Variants in DOCK7 observed in about 807,000 individuals in gnomAD.
DOCK7 encodes dedicator of cytokinesis protein 7.
A neutral mutation model predicts 271.0 loss-of-function variants in DOCK7; 138 were observed. The observed-to-expected ratio is 0.51, with a 90% CI of 0.44 to 0.59. The LOEUF (loss-of-function observed/expected upper bound fraction) is 0.59. Ranked by LOEUF, DOCK7 falls within the 20% of genes least tolerant of loss-of-function variation. The pLI is 0.00. For synonymous variants in DOCK7, 823 were observed against 876.1 expected, an observed-to-expected ratio of 0.94 and a Z score of 1.07; for missense variants, 2,066 against 2,592.4, an observed-to-expected ratio of 0.80 and a Z score of 4.41.
At chr1:62,655,448 G>A (rs1479915157) in intron 2 of DOCK7, among the ~76,000 whole-genome samples, 8 of 141,580 alleles carry the variant, frequency 5.7e-5, no homozygotes, top group African/African-American at 8.0e-5. Flanking sequence ...TTTTTGAGAC[G>A]GGCTCTTCCT....
chr1:62,454,842 GT>G lies in DOCK7; in HGVS notation c.*571del, dbSNP rs1645304348. On this transcript the variant is annotated 3_prime_UTR_variant, in exon 50 of 50. Coordinates refer to ENST00000635253, the MANE Select transcript of DOCK7 (RefSeq NM_001367561.1). ...TAAAGTTCTGCAATTCTAAATTCCT[GT>G]TTTGGGTATGTAAATGGAAAATAAC... 1 of 204,686 alleles carries G rather than the reference GT, an allele frequency of 4.9e-6. No individual in the cohort carries two copies. The highest frequency in any genetic ancestry group is 9.6e-6 in the Non-Finnish European group (1 of 103,780). 12.7% of individuals were successfully genotyped at this position (204,686 alleles called of 1,614,324 possible). A position where few individuals can be genotyped will look rare whatever the true frequency, so the allele number is the denominator to read the frequency against.
At chr1:62,507,141 A>G (rs981673838) in intron 35 of DOCK7, among the ~76,000 whole-genome samples, 24 of 151,858 alleles carry the variant, frequency 1.6e-4, no homozygotes, top group African/African-American at 5.8e-4. Context: ...TTCTCACAAC[A>G]ATGTACAGAA....
chr1:62,503,350 C>T (rs1646841011), intron 37 of DOCK7, among the ~76,000 whole-genome samples: 1 of 151,478 alleles, frequency 6.6e-6, no homozygotes, highest in African/African-American at 2.4e-5. Context: ...TATTTAGACA[C>T]ACAAATACAC....
At chr1:62,531,860 C>T (rs1053693774) in intron 29 of DOCK7, among the ~76,000 whole-genome samples, 2 of 152,116 alleles carry the variant, frequency 1.3e-5, no homozygotes, top group African/African-American at 4.8e-5. Flanking sequence ...CACTTTGTGC[C>T]AGACATAATA....
rs12025800 is a variant in DOCK7, at chr1:62,631,110, C to G, written c.1282+130G>C. On this transcript the variant is annotated intron_variant, in intron 11 of 49. Transcript: ENST00000635253. Reference sequence around the variant, plus strand: ...TGAGGCAGGAGAATTGCTTGAACCCCGGTGGCAAAGGTTGCAGTGAGCCAA... The same window carrying G: ...TGAGGCAGGAGAATTGCTTGAACCCGGGTGGCAAAGGTTGCAGTGAGCCAA... 237,061 of 666,974 alleles carry G rather than the reference C, an allele frequency of 0.36. 46,304 individuals are homozygous for G. Among genetic ancestry groups the G allele is most frequent in the African/African-American group, 0.66 (34,267 of 52,306 alleles). The allele number at this position is 666,974 out of a possible 1,614,324, so 41.3% of individuals were successfully genotyped here.
intron 29 of DOCK7, among the ~76,000 whole-genome samples, chr1:62,533,152 T>C (rs1645231410): frequency 1.3e-5 from 2 of 152,138 alleles, no homozygotes; most frequent in South Asian, 4.1e-4. Context: ...TTCCTCTTTC[T>C]TGCCTATTAA....
rs548439119 is a variant in DOCK7 at position 62,506,638 on chromosome 1, T to G, written c.4477-822A>C. ...GGTGTGCGCCACCACACCCAGCTAATTTTTTTATTTTTAGTAGAGTCAGGG... is the reference window on the plus strand; with the variant it reads ...GGTGTGCGCCACCACACCCAGCTAAGTTTTTTATTTTTAGTAGAGTCAGGG... On this transcript the variant is annotated intron_variant, in intron 35 of 49. Coordinates refer to ENST00000635253, the MANE Select transcript of DOCK7 (RefSeq NM_001367561.1). Among the ~76,000 whole-genome samples, 59 of 150,228 alleles carry G rather than the reference T, an allele frequency of 3.9e-4. 1 individual carries two copies. Among genetic ancestry groups the G allele is most frequent in the African/African-American group, 1.4e-3 (57 of 41,068 alleles).
intron 23 of DOCK7, among the ~76,000 whole-genome samples, chr1:62,544,444 T>C (rs1645634071): frequency 6.6e-6 from 1 of 152,208 alleles, no homozygotes; most frequent in Non-Finnish European, 1.5e-5. Flanking sequence ...GTATTGAGTC[T>C]TATAGCACGG....
intron 2 of DOCK7, among the ~76,000 whole-genome samples, chr1:62,660,717 A>C (rs1157551837): frequency 1.3e-5 from 2 of 152,242 alleles, no homozygotes; most frequent in African/African-American, 4.8e-5. Flanking sequence ...CACAATAGCC[A>C]AAAGTTTGCA....
At chr1:62,622,451 T>A (rs1653381485) in intron 12 of DOCK7, among the ~76,000 whole-genome samples, 1 of 152,044 alleles carries the variant, frequency 6.6e-6, no homozygotes. Context: ...ACTTCACACA[T>A]TTTATTTATT....
At chr1:62,671,108 A>G (rs1247292946) in intron 1 of DOCK7, among the ~76,000 whole-genome samples, 3 of 151,980 alleles carry the variant, frequency 2.0e-5, no homozygotes, top group African/African-American at 7.3e-5. Context: ...CCACGAACCC[A>G]CCAGAAGGAA....
intron 37 of DOCK7, among the ~76,000 whole-genome samples, chr1:62,501,751 G>A (rs115819824): frequency 0.012 from 1,762 of 151,838 alleles, 44 homozygotes; most frequent in African/African-American, 0.04. Context: ...TTATATACAC[G>A]TAAGAAAGTA....
chr1:62,488,739 C>CA (rs1475219202), intron 42 of DOCK7, 195 bp downstream of exon 42: 1 of 702,636 alleles, frequency 1.4e-6, no homozygotes, highest in African/African-American at 1.8e-5. Context: ...TGATGATCAC[C>CA]ATTTACTTTA....
chr1:62,515,854 A>G (rs901260729), intron 31 of DOCK7, among the ~76,000 whole-genome samples: 4 of 152,226 alleles, frequency 2.6e-5, no homozygotes, highest in Non-Finnish European at 4.4e-5. Flanking sequence ...TAAAATAATT[A>G]GGACAATTTG....
rs995729838 is a variant in DOCK7, at chr1:62,515,418, C to G, written c.3937-1520G>C. ...GGAAAATGCTCCTTTATTTTAAAGACAGACACTTTTTATAGCCGAACTTTC... is the reference window on the plus strand; with the variant it reads ...GGAAAATGCTCCTTTATTTTAAAGAGAGACACTTTTTATAGCCGAACTTTC... On this transcript the variant is annotated intron_variant, in intron 31 of 49. Transcript: ENST00000635253. 1.7e-4 allele frequency among the ~76,000 whole-genome samples: 26 copies of G among 152,204 alleles called. 1 individual carries two copies. The highest frequency in any genetic ancestry group is 1.5e-5 in the Non-Finnish European group (1 of 68,016).
At chr1:62,490,115 G>A (rs1457542261) in intron 41 of DOCK7, among the ~76,000 whole-genome samples, 1 of 145,324 alleles carries the variant, frequency 6.9e-6, no homozygotes, top group Non-Finnish European at 1.5e-5. Context: ...CTATTGTTTA[G>A]GTTGGAGTGC....
intron 14 of DOCK7, chr1:62,605,243 T>C: frequency 5.9e-6 from 1 of 170,470 alleles, no homozygotes; most frequent in South Asian, 1.4e-4. Flanking sequence ...GGACTGGTAA[T>C]TGTACAGTTC....
chr1:62,548,287 A>G (rs575776605), intron 22 of DOCK7, among the ~76,000 whole-genome samples: 2 of 152,270 alleles, frequency 1.3e-5, no homozygotes, highest in Admixed American at 1.3e-4. Context: ...TATACATTTA[A>G]ATAAGATAAT....
rs752706440 is a variant in DOCK7 at position 62,604,218 on chromosome 1, G to A, written c.1682+14488C>T. 3 of 1,613,122 alleles carry A rather than the reference G, an allele frequency of 1.9e-6. No individual in the cohort carries two copies. In the South Asian group the frequency reaches 3.3e-5, roughly 18 times the overall value. ...CACAAAGCAAAAGGACACTTCAACT[G>A]TCCAGAGGGTTATTCAGGTATCTTT... is the stretch of plus-strand genomic sequence containing the variant. On this transcript the variant is annotated intron_variant, in intron 14 of 49. Transcript: ENST00000635253.
Sources: allele counts gnomAD v4.1 joint callset (sites outside exome capture counted in the v4.1 genomes callset), GRCh38; gene constraint gnomAD v4.1.1; transcripts MANE v1.5; gene names NCBI Gene and HGNC (gene_info 2026-07-23, HGNC 2026-07-21).